The following SCFD2 variants were observed in gnomAD, a reference collection of about 807,000 sequenced individuals.
SCFD2 encodes the protein sec1 family domain-containing protein 2.
SCFD2 carries 54 observed loss-of-function variants against 58.9 expected under a neutral mutation model. The observed-to-expected ratio is 0.92, with a 90% confidence interval of 0.74 to 1.15. SCFD2 has a LOEUF of 1.15. Among genes scored for constraint, SCFD2 ranks in the 50% most tolerant of loss-of-function variants. SCFD2 has a pLI of 0.00. For missense variants in SCFD2, 805 were observed against 836.6 expected (o/e 0.96, Z 0.47); for synonymous variants, 321 against 335.9 (o/e 0.96, Z 0.49).
chr4:53,228,309 A>G lies in SCFD2; in HGVS notation c.1311+45517T>C, dbSNP rs545236039. On this transcript the variant is annotated intron_variant, in intron 4 of 8. Transcript: ENST00000401642. ...GGAGTGGTGTGGTGAAACAAAAGTG[A>G]TAAGGGTTTCTGGCAAGATTGATAC... Among the ~76,000 whole-genome samples the G allele has an allele frequency of 7.2e-5, 11 of 152,246 alleles. No individual in the cohort carries two copies. The South Asian group carries it at 2.3e-3, about 32-fold the overall frequency.
At chr4:53,270,608 A>T (rs868242983) in intron 4 of SCFD2, among the ~76,000 whole-genome samples, 3 of 152,254 alleles carry the variant, frequency 2.0e-5, no homozygotes, top group African/African-American at 7.2e-5. Flanking sequence ...GCCCAGGACA[A>T]TCAATGAATA....
chr4:53,276,087 G>T (rs958383908), intron 3 of SCFD2, among the ~76,000 whole-genome samples: 12 of 151,468 alleles, frequency 7.9e-5, no homozygotes, highest in Admixed American at 7.2e-4. Flanking sequence ...CTAGGAGCAG[G>T]TTTCTAGGAC....
At chr4:53,284,081 T>C (rs1376006605) in intron 3 of SCFD2, among the ~76,000 whole-genome samples, 1 of 147,598 alleles carries the variant, frequency 6.8e-6, no homozygotes, top group Non-Finnish European at 1.5e-5. Context: ...ATCGTGCCAC[T>C]GTACTCCAGC....
intron 2 of SCFD2, among the ~76,000 whole-genome samples, chr4:53,335,080 C>G (rs912754306): frequency 4.6e-5 from 7 of 151,772 alleles, no homozygotes; most frequent in African/African-American, 1.7e-4. Context: ...GCCTGTAATC[C>G]CAGTTACTCA....
intron 8 of SCFD2, among the ~76,000 whole-genome samples, chr4:52,880,405 T>C (rs1429127413): frequency 1.3e-5 from 2 of 151,122 alleles, no homozygotes; most frequent in Non-Finnish European, 3.0e-5. Flanking sequence ...TCACTTGAGG[T>C]AGGAGTTCAA....
At chr4:53,257,961 G>C (rs1470443715) in intron 4 of SCFD2, among the ~76,000 whole-genome samples, 1 of 152,066 alleles carries the variant, frequency 6.6e-6, no homozygotes, top group African/African-American at 2.4e-5. Flanking sequence ...CATGTTATGA[G>C]ATAGGGTTGG....
At chr4:52,974,412 C>T (rs922552648) in intron 5 of SCFD2, among the ~76,000 whole-genome samples, 11 of 152,274 alleles carry the variant, frequency 7.2e-5, no homozygotes, top group African/African-American at 2.6e-4. Context: ...AGTGAACTCC[C>T]ATTCACAATT....
intron 2 of SCFD2, among the ~76,000 whole-genome samples, chr4:53,343,332 CAAAT>C (rs1158373997): frequency 6.6e-6 from 1 of 152,172 alleles, no homozygotes; most frequent in African/African-American, 2.4e-5. Context: ...CACCTCTACA[CAAAT>C]AAACTAGAAA....
intron 3 of SCFD2, among the ~76,000 whole-genome samples, chr4:53,294,572 C>G (rs1468270099): frequency 2.0e-5 from 3 of 152,008 alleles, no homozygotes; most frequent in Non-Finnish European, 2.9e-5. Flanking sequence ...CTAAAATTTT[C>G]TCCCATTCTG....
chr4:53,146,004 G>A (rs1052158161), intron 4 of SCFD2, among the ~76,000 whole-genome samples: 4 of 152,064 alleles, frequency 2.6e-5, no homozygotes, highest in Admixed American at 1.3e-4. Flanking sequence ...GAATCACCTC[G>A]GATTTTCCAG....
chr4:53,062,469 G>A (rs1338078868), intron 5 of SCFD2, among the ~76,000 whole-genome samples: 1 of 152,078 alleles, frequency 6.6e-6, no homozygotes, highest in African/African-American at 2.4e-5. Context: ...CTTCCTTGTA[G>A]ACAACAGTTG....
chr4:52,975,599 G>A (rs1190582424), intron 5 of SCFD2, among the ~76,000 whole-genome samples: 1 of 152,188 alleles, frequency 6.6e-6, no homozygotes, highest in Admixed American at 6.5e-5. Flanking sequence ...TTCAACCATT[G>A]TGGAAGTCAG....
rs185391028 is a variant in SCFD2, at chr4:53,219,626, G to A, written c.1311+54200C>T. On this transcript the variant is annotated intron_variant, in intron 4 of 8. Coordinates refer to ENST00000401642, the MANE Select transcript of SCFD2 (RefSeq NM_152540.4). ...TGCCCTGCTTCAGCTCACACTCGGT[G>A]GGCTGCACCCACTGTCCTGCCCCCA... Among the ~76,000 whole-genome samples the A allele has an allele frequency of 7.7e-3, 1,170 of 152,114 alleles. 18 individuals are homozygous for A. Among genetic ancestry groups the A allele is most frequent in the African/African-American group, 0.026 (1,091 of 41,474 alleles).
At chr4:53,360,109 T>C (rs1560465512) in intron 1 of SCFD2, among the ~76,000 whole-genome samples, 1 of 152,214 alleles carries the variant, frequency 6.6e-6, no homozygotes, top group African/African-American at 2.4e-5. Flanking sequence ...AATACAGAAG[T>C]ACTTCAACAT....
At chr4:52,901,155 C>A (rs961595357) in intron 7 of SCFD2, among the ~76,000 whole-genome samples, 1 of 152,240 alleles carries the variant, frequency 6.6e-6, no homozygotes, top group Non-Finnish European at 1.5e-5. Flanking sequence ...GTGTCCTGCA[C>A]CCGCTGTCCG....
rs564523254 is a variant in SCFD2, at chr4:53,215,247, A to G, written c.1311+58579T>C. On this transcript the variant is annotated intron_variant, in intron 4 of 8. Coordinates refer to ENST00000401642, the MANE Select transcript of SCFD2 (RefSeq NM_152540.4). ...GAATCTATAAATTACCTTGGGCAATATGGCCATTTTCACGATATTGATTCT... is the reference window on the plus strand; with the variant it reads ...GAATCTATAAATTACCTTGGGCAATGTGGCCATTTTCACGATATTGATTCT... Among the ~76,000 whole-genome samples, 823 of 152,212 alleles carry G rather than the reference A, an allele frequency of 5.4e-3. 2 individuals are homozygous for G. Among genetic ancestry groups the G allele is most frequent in the Non-Finnish European group, 8.9e-3 (605 of 68,026 alleles).
intron 4 of SCFD2, among the ~76,000 whole-genome samples, chr4:53,180,296 A>G (rs1727502648): frequency 6.6e-6 from 1 of 152,198 alleles, no homozygotes; most frequent in African/African-American, 2.4e-5. Context: ...ATTATAATAA[A>G]CTGTCTCTCA....
At chr4:53,214,226 G>A (rs1361753700) in intron 4 of SCFD2, among the ~76,000 whole-genome samples, 7 of 152,152 alleles carry the variant, frequency 4.6e-5, no homozygotes, top group African/African-American at 9.6e-5. Flanking sequence ...CTGAGGAATC[G>A]CCACACTGAC....
chr4:53,160,206 T>C (rs895525037), intron 4 of SCFD2, among the ~76,000 whole-genome samples: 1 of 152,202 alleles, frequency 6.6e-6, no homozygotes, highest in Admixed American at 6.5e-5. Context: ...TTAGAACTTC[T>C]GCATTTCTTC....
Sources: allele counts gnomAD v4.1 joint callset (sites outside exome capture counted in the v4.1 genomes callset), GRCh38; gene constraint gnomAD v4.1.1; transcripts MANE v1.5; gene names NCBI Gene and HGNC (gene_info 2026-07-23, HGNC 2026-07-21).